Variants in PLCE1 observed in about 807,000 individuals in gnomAD.
PLCE1 encodes the protein 1-phosphatidylinositol 4,5-bisphosphate phosphodiesterase epsilon-1.
PLCE1 carries 119 observed loss-of-function variants against 242.8 expected under a neutral mutation model. The ratio of observed to expected loss-of-function variants is 0.49; its 90% CI spans 0.42 to 0.57. The LOEUF is 0.57. PLCE1 is among the 20% of genes least tolerant of loss of function. PLCE1 has a pLI of 0.00. For missense variants in PLCE1, 2,441 were observed against 2,788.8 expected (o/e 0.88, Z 2.81); for synonymous variants, 945 against 1,017.4 (o/e 0.93, Z 1.35).
intron 7 of PLCE1, among the ~76,000 whole-genome samples, chr10:94,242,484 T>C (rs919112054): frequency 6.6e-6 from 1 of 152,102 alleles, no homozygotes; most frequent in African/African-American, 2.4e-5. Context: ...CTAATTTTTG[T>C]ATTTTTAGTA....
chr10:94,308,594 T>G lies in PLCE1; in HGVS notation c.5898T>G (p.Leu1966=). ...LKALKRGYRH[L]QLRNLHNEVL... ...GTATTACTCCAGGATATCGACATCT[T>G]CAGCTGCGAAACCTTCACAATGAAG... Residue 1966 remains leucine, a synonymous_variant, in exon 27 of 33, where the codon CTT becomes CTG. Transcript: ENST00000371380. 2 of 1,608,938 alleles carry G rather than the reference T, an allele frequency of 1.2e-6. No homozygotes were observed. Among genetic ancestry groups the G allele is most frequent in the Non-Finnish European group, 1.7e-6 (2 of 1,175,272 alleles).
In PLCE1 at chr10:94,061,832, C is replaced by T. The variant is rs142244283; in HGVS notation, c.1206+29580C>T. ...GCTCAAGTGCAAAAACTAGTTTTTGCTGTTACATGCCTCTTATAACACCAT... is the reference window on the plus strand; with the variant it reads ...GCTCAAGTGCAAAAACTAGTTTTTGTTGTTACATGCCTCTTATAACACCAT... On this transcript the variant is annotated intron_variant, in intron 2 of 32. Transcript: ENST00000371380. 2.0e-3 allele frequency among the ~76,000 whole-genome samples: 310 copies of T among 152,286 alleles called. 1 individual carries two copies. The highest frequency in any genetic ancestry group is 5.9e-3 in the African/African-American group (245 of 41,546).
intron 4 of PLCE1, among the ~76,000 whole-genome samples, chr10:94,205,674 C>CT (rs2049134423): frequency 6.6e-6 from 1 of 152,222 alleles, no homozygotes; most frequent in Admixed American, 6.5e-5. Context: ...TCCTAATGCC[C>CT]TTTCCAGGAT....
intron 22 of PLCE1, among the ~76,000 whole-genome samples, chr10:94,289,966 CACTT>C (rs1405388069): frequency 1.3e-5 from 2 of 151,882 alleles, no homozygotes; most frequent in African/African-American, 2.4e-5. Context: ...TTTGTAATAA[CACTT>C]AGCTTAAAAC....
chr10:94,233,903 G>A lies in PLCE1; in HGVS notation c.1956-151G>A, dbSNP rs903788881. ...GCAGAGGTTGCAGTGAGCCAAGATC[G>A]CACCACTGCACTCCAGCCTGGGCAA... On this transcript the variant is annotated intron_variant, in intron 5 of 32. Transcript: ENST00000371380. The A allele has an allele frequency of 2.5e-4, 169 of 676,966 alleles. 1 individual carries two copies. In the Middle Eastern group the frequency reaches 3.6e-3, roughly 15 times the overall value. The allele number at this position is 676,966 out of a possible 1,614,324, so 41.9% of individuals were successfully genotyped here.
At chr10:94,289,173 C>T (rs997916656) in intron 22 of PLCE1, among the ~76,000 whole-genome samples, 2 of 152,120 alleles carry the variant, frequency 1.3e-5, no homozygotes, top group Non-Finnish European at 2.9e-5. Flanking sequence ...CCCTCGGTGC[C>T]TCCCAATATC....
At position 94,129,885 on chromosome 10, in the gene PLCE1, C is replaced by G. The variant is rs188069240; in HGVS notation, c.1207-2289C>G. Among the ~76,000 whole-genome samples the G allele has an allele frequency of 2.3e-3, 346 of 152,272 alleles. 3 individuals carry two copies. Among genetic ancestry groups the G allele is most frequent in the Non-Finnish European group, 3.7e-3 (251 of 68,030 alleles). On this transcript the variant is annotated intron_variant, in intron 2 of 32. Coordinates refer to ENST00000371380, the MANE Select transcript of PLCE1 (RefSeq NM_016341.4). ...AGGCCAGCTGACCTTTCTTATTCCC[C>G]AGTTGTTCCCTGGCCTTTCTCATTC...
chr10:94,293,700 T>G (rs1180319931), intron 23 of PLCE1, 61 bp downstream of exon 23: 1 of 1,561,054 alleles, frequency 6.4e-7, no homozygotes, highest in Non-Finnish European at 8.8e-7. Context: ...TTTAGATATT[T>G]TACTGTCTAA....
chr10:94,080,042 T>A (rs1440151509), intron 2 of PLCE1, among the ~76,000 whole-genome samples: 1 of 152,220 alleles, frequency 6.6e-6, no homozygotes, highest in African/African-American at 2.4e-5. Context: ...TGTTATTTCT[T>A]GGCTTGCTAG....
At chr10:94,082,910 T>G (rs2044695120) in intron 2 of PLCE1, among the ~76,000 whole-genome samples, 1 of 152,224 alleles carries the variant, frequency 6.6e-6, no homozygotes, top group Non-Finnish European at 1.5e-5. Flanking sequence ...ACAAATTCAT[T>G]AAAAGCAATT....
rs117893051 is a variant in PLCE1 at position 93,999,297 on chromosome 10, C to G, written c.-365+5039C>G. ...CACAACCCACTTTCTGAGGTAGGTA[C>G]TTTTATTATCTGCATATCACAGATG... is the stretch of plus-strand genomic sequence containing the variant. On this transcript the variant is annotated intron_variant, in intron 1 of 32. Coordinates refer to ENST00000371380, the MANE Select transcript of PLCE1 (RefSeq NM_016341.4). Among the ~76,000 whole-genome samples the G allele has an allele frequency of 4.8e-3, 726 of 152,276 alleles. 3 individuals are homozygous for G. The highest frequency in any genetic ancestry group is 7.6e-3 in the Non-Finnish European group (520 of 68,018).
chr10:94,037,797 C>T (rs1480408757), intron 2 of PLCE1, among the ~76,000 whole-genome samples: 1 of 152,156 alleles, frequency 6.6e-6, no homozygotes, highest in African/African-American at 2.4e-5. Flanking sequence ...GTAGTTATAC[C>T]AGCCCTTTGG....
At chr10:94,110,905 A>G (rs2045934215) in intron 2 of PLCE1, among the ~76,000 whole-genome samples, 1 of 152,204 alleles carries the variant, frequency 6.6e-6, no homozygotes, top group African/African-American at 2.4e-5. Flanking sequence ...TGCACTGGAC[A>G]ATGTTTAGCA....
chr10:94,217,462 C>G (rs2049568032), intron 4 of PLCE1, among the ~76,000 whole-genome samples: 1 of 152,126 alleles, frequency 6.6e-6, no homozygotes, highest in Non-Finnish European at 1.5e-5. Context: ...AAGTAGGACC[C>G]TATTCTAGGG....
intron 10 of PLCE1, 133 bp from the exon 11 acceptor site, chr10:94,254,760 G>A (rs377538702): frequency 1.1e-6 from 1 of 925,762 alleles, no homozygotes. Context: ...AAGATATTTT[G>A]GTGCTGCTTG....
In PLCE1 at chr10:94,246,416, G is replaced by T. The variant is rs781246375; in HGVS notation, c.2891G>T (p.Ser964Ile). 1 of 1,614,212 alleles carries T rather than the reference G, an allele frequency of 6.2e-7. No individual in the cohort carries two copies. The highest frequency in any genetic ancestry group is 1.1e-5 in the South Asian group (1 of 91,086). The part of the protein sequence containing the change: ...HTVCVQNKLG[S>I]MFLSETGVTL... ...GTGTGTGTTCAGAACAAACTGGGTA[G>T]CATGTTCCTGTCAGAGACTGGTGTG... is the stretch of plus-strand genomic sequence containing the variant. Residue 964 changes from serine (S) to isoleucine (I), a missense_variant, in exon 8 of 33, where the codon AGC becomes ATC. Ser to Ile is a moderately radical substitution (Grantham distance 142). Around this residue, in one of 5 missense-constraint regions of PLCE1, gnomAD observed 1,004 missense variants for 1,322.7 expected, o/e 0.76. Coordinates refer to ENST00000371380, the MANE Select transcript of PLCE1 (RefSeq NM_016341.4).
intron 2 of PLCE1, among the ~76,000 whole-genome samples, chr10:94,047,431 A>G (rs910588297): frequency 6.6e-6 from 1 of 152,102 alleles, no homozygotes; most frequent in Non-Finnish European, 1.5e-5. Context: ...CAAAAATAAT[A>G]TTGATTTCTG....
intron 3 of PLCE1, among the ~76,000 whole-genome samples, chr10:94,152,768 A>G (rs1275311117): frequency 6.6e-6 from 1 of 152,228 alleles, no homozygotes; most frequent in East Asian, 1.9e-4. Context: ...TTTTATCAGT[A>G]TCATTATTAC....
chr10:94,227,531 A>G, intron 5 of PLCE1, 80 bp downstream of exon 5: 2 of 1,304,546 alleles, frequency 1.5e-6, no homozygotes, highest in Non-Finnish European at 2.2e-6. Flanking sequence ...TTGTCCAGGG[A>G]CTCACCTTTA....
Sources: gnomAD v4.1 joint callset for allele counts (sites outside exome capture counted in the v4.1 genomes callset) on GRCh38, gnomAD v4.1.1 for gene constraint, gnomAD v4.1.1 regional missense constraint, MANE v1.5 for transcripts, NCBI Gene and HGNC (gene_info 2026-07-23, HGNC 2026-07-21) for gene names.